SCN3A: variants seen among roughly 807,000 people sequenced by gnomAD.
SCN3A encodes the protein sodium channel protein type 3 subunit alpha.
A neutral mutation model predicts 187.6 loss-of-function variants in SCN3A; 60 were observed. That is an observed-to-expected ratio of 0.32 (90% CI 0.26 to 0.40). The LOEUF is 0.40. Among genes scored for constraint, SCN3A ranks in the 10% least tolerant of loss-of-function variants. The probability of loss-of-function intolerance (pLI) is 1.00; values close to 1 mark genes in which losing one functional copy is unlikely to be tolerated. For synonymous variants in SCN3A, 788 were observed against 829.2 expected, an observed-to-expected ratio of 0.95 and a Z score of 0.85; for missense variants, 1,601 against 2,428.2, an observed-to-expected ratio of 0.66 and a Z score of 7.16.
At chr2:165,153,067 T>TA (rs1236490546) in intron 11 of SCN3A, among the ~76,000 whole-genome samples, 1 of 145,446 alleles carries the variant, frequency 6.9e-6, no homozygotes, top group East Asian at 2.0e-4. Context: ...TCATAAAAGG[T>TA]ACAGGAATTA....
Position 165,165,759 on chromosome 2 carries a change from A to T in SCN3A, c.474-1239T>A, listed in dbSNP as rs1053716497. Among the ~76,000 whole-genome samples the T allele has an allele frequency of 6.6e-5, 10 of 152,196 alleles. No homozygotes were observed. The East Asian group carries it at 1.9e-3, about 29-fold the overall frequency. ...AAAATGTTAGGATCATTATTTTGAA[A>T]TGTTTTCTGCACAAGTTTCTTTCAT... On this transcript the variant is annotated intron_variant, in intron 5 of 27. Coordinates refer to ENST00000283254, the MANE Select transcript of SCN3A (RefSeq NM_006922.4).
intron 9 of SCN3A, among the ~76,000 whole-genome samples, chr2:165,156,792 A>G (rs572965214): frequency 6.4e-4 from 97 of 152,160 alleles, no homozygotes; most frequent in African/African-American, 2.1e-3. Flanking sequence ...GGCTCAAGCA[A>G]TCTCCTGCCT....
chr2:165,146,375 T>C (rs1184948278), intron 12 of SCN3A, among the ~76,000 whole-genome samples: 1 of 120,694 alleles, frequency 8.3e-6, no homozygotes, highest in Non-Finnish European at 1.7e-5. Context: ...AGGTTATATA[T>C]ATATATATGT....
rs1685324244 is a variant in SCN3A, at chr2:165,095,494, A to C, written c.4431+17T>G. The C allele has an allele frequency of 3.7e-6, 6 of 1,610,518 alleles. No homozygotes were observed. Among genetic ancestry groups the C allele is most frequent in the Middle Eastern group, 1.7e-4 (1 of 5,898 alleles). Reference sequence around the variant, plus strand: ...GAACCCCAGAATGAAGAAAGGTAAAAGCTAAAGAATACTTATCTTCTTTTT... The same window carrying C: ...GAACCCCAGAATGAAGAAAGGTAAACGCTAAAGAATACTTATCTTCTTTTT... On this transcript the variant is annotated intron_variant, in intron 25 of 27. Coordinates refer to ENST00000283254, the MANE Select transcript of SCN3A (RefSeq NM_006922.4).
chr2:165,145,115 AG>A (rs1408947788), intron 12 of SCN3A, among the ~76,000 whole-genome samples: 2 of 152,148 alleles, frequency 1.3e-5, no homozygotes, highest in South Asian at 2.1e-4. Context: ...TCTTTAATGT[AG>A]GTATTCTTAC....
intron 18 of SCN3A, among the ~76,000 whole-genome samples, chr2:165,123,058 T>G (rs1321791163): frequency 6.6e-6 from 1 of 152,156 alleles, no homozygotes; most frequent in African/African-American, 2.4e-5. Context: ...ATTGCAAAAA[T>G]TCATAGTTAT....
Position 165,090,066 on chromosome 2 carries a change from C to T in SCN3A, c.*84G>A. 3 of 1,533,732 alleles carry T rather than the reference C, an allele frequency of 2.0e-6. No individual in the cohort carries two copies. The highest frequency in any genetic ancestry group is 1.8e-6 in the Non-Finnish European group (2 of 1,140,156). On this transcript the variant is annotated 3_prime_UTR_variant, in exon 28 of 28. Transcript: ENST00000283254. The surrounding 1 kb of genome is among the most constrained non-coding windows in gnomAD (Gnocchi z 4.0). ...TTAAAACAGTCAGTTTGGCATGGAC[C>T]TCCTCTTGAAGTCCAGTTGACACAT...
At chr2:165,190,339 T>C (rs1301123068) in intron 1 of SCN3A, among the ~76,000 whole-genome samples, 1 of 152,050 alleles carries the variant, frequency 6.6e-6, no homozygotes, top group Non-Finnish European at 1.5e-5. Flanking sequence ...TTGTGTTGTA[T>C]AAAATTCATT....
intron 3 of SCN3A, among the ~76,000 whole-genome samples, chr2:165,171,335 A>G (rs575926590): frequency 6.6e-6 from 1 of 151,970 alleles, no homozygotes; most frequent in African/African-American, 2.4e-5. Flanking sequence ...AATGTCATAG[A>G]CTCCTAGAAG....
rs1186910904 is a variant in SCN3A at position 165,158,533 on chromosome 2, T to TA, written c.1032-2631dup. ...AATCTTAGAGAACAGGTTCTCACCC[T>TA]AAAAAAAAATCCCCTTTGCTTTACC... On this transcript the variant is annotated intron_variant, in intron 9 of 27. Coordinates refer to ENST00000283254, the MANE Select transcript of SCN3A (RefSeq NM_006922.4). 1.4e-4 allele frequency among the ~76,000 whole-genome samples: 19 copies of TA among 134,516 alleles called. 3 individuals carry two copies. Among genetic ancestry groups the TA allele is most frequent in the Non-Finnish European group, 1.7e-4 (11 of 65,824 alleles). The allele number at this position is 134,516 out of a possible 152,430, so 88.2% of individuals were successfully genotyped here. A position where few individuals can be genotyped will look rare whatever the true frequency, so the allele number is the denominator to read the frequency against.
intron 3 of SCN3A, 29 bp from the exon 4 acceptor site, chr2:165,170,577 T>C (rs753150111): frequency 6.2e-6 from 8 of 1,284,044 alleles, no homozygotes; most frequent in Non-Finnish European, 8.0e-6. Flanking sequence ...GTAAAATTAC[T>C]AAATTAGACA....
intron 15 of SCN3A, 98 bp downstream of exon 15, chr2:165,137,781 A>G (rs1463426024): frequency 2.3e-6 from 2 of 879,026 alleles, no homozygotes; most frequent in Non-Finnish European, 3.9e-6. Context: ...GAAAGAGGAT[A>G]TAATTTTTGG....
At chr2:165,150,545 G>A (rs1260580450) in intron 11 of SCN3A, among the ~76,000 whole-genome samples, 1 of 152,114 alleles carries the variant, frequency 6.6e-6, no homozygotes, top group Non-Finnish European at 1.5e-5. Flanking sequence ...TATGTATGAA[G>A]CTAAAGCTGA....
At chr2:165,119,344 TAC>T (rs1686537668) in intron 18 of SCN3A, among the ~76,000 whole-genome samples, 1 of 152,232 alleles carries the variant, frequency 6.6e-6, no homozygotes, top group Non-Finnish European at 1.5e-5. Flanking sequence ...GTTATGCATT[TAC>T]CTACATTTAT....
intron 15 of SCN3A, among the ~76,000 whole-genome samples, chr2:165,137,163 G>T (rs562867215): frequency 2.6e-5 from 4 of 152,084 alleles, no homozygotes; most frequent in Non-Finnish European, 5.9e-5. Flanking sequence ...GATGAAAACT[G>T]TTCCTAAAGT....
intron 15 of SCN3A, among the ~76,000 whole-genome samples, chr2:165,132,939 AAAAC>A (rs1348655875): frequency 2.6e-5 from 4 of 152,200 alleles, no homozygotes; most frequent in African/African-American, 7.2e-5. Flanking sequence ...TTACAAGAAA[AAAAC>A]AAACAACCCC....
chr2:165,199,161 C>A (rs1167116315), intron 1 of SCN3A, among the ~76,000 whole-genome samples: 1 of 151,928 alleles, frequency 6.6e-6, no homozygotes, highest in African/African-American at 2.4e-5. Flanking sequence ...AGCTTCTTGG[C>A]AGAAAATGGT....
In SCN3A at chr2:165,130,925, C is replaced by T. The variant is rs192569758; in HGVS notation, c.2565+319G>A. ...AGGGTTAATAAAAAGCTAAAATTAA[C>T]TGGGGTCTAAATTTTTATTTGCGTA... On this transcript the variant is annotated intron_variant, in intron 16 of 27. Coordinates refer to ENST00000283254, the MANE Select transcript of SCN3A (RefSeq NM_006922.4). 6.5e-3 allele frequency among the ~76,000 whole-genome samples: 991 copies of T among 152,084 alleles called. 7 individuals carry two copies. The highest frequency in any genetic ancestry group is 0.017 in the Middle Eastern group (5 of 294).
intron 21 of SCN3A, among the ~76,000 whole-genome samples, chr2:165,107,591 C>A (rs1012402405): frequency 6.6e-6 from 1 of 152,134 alleles, no homozygotes; most frequent in Non-Finnish European, 1.5e-5. Context: ...AGCAAGGCAC[C>A]ATCTCATTGC....
Sources: allele counts gnomAD v4.1 joint callset (sites outside exome capture counted in the v4.1 genomes callset), GRCh38; gene constraint gnomAD v4.1.1; non-coding constraint Gnocchi (gnomAD v3.1); transcripts MANE v1.5; gene names NCBI Gene and HGNC (gene_info 2026-07-23, HGNC 2026-07-21).